The following RNF38 variants were observed in gnomAD, a reference collection of about 807,000 sequenced individuals.
RNF38 encodes the protein E3 ubiquitin-protein ligase RNF38.
Under a neutral mutation model 67.2 loss-of-function variants are expected in RNF38, and 15 were observed. That is an observed-to-expected ratio of 0.22 (90% CI 0.15 to 0.34). RNF38 has a LOEUF of 0.34. Ranked by LOEUF, RNF38 falls within the 10% of genes least tolerant of loss-of-function variation. RNF38 has a pLI of 1.00. For synonymous variants in RNF38, 220 were observed against 218.8 expected, an observed-to-expected ratio of 1.01 and a Z score of -0.05; for missense variants, 524 against 639.9, an observed-to-expected ratio of 0.82 and a Z score of 1.95.
intron 4 of RNF38, among the ~76,000 whole-genome samples, chr9:36,360,500 A>ATC (rs1587503701): frequency 6.6e-6 from 1 of 152,162 alleles, no homozygotes; most frequent in Non-Finnish European, 1.5e-5. Flanking sequence ...CCAATTTGGC[A>ATC]TCTCTAATCC....
rs1832686298 is a variant in RNF38 at position 36,339,458 on chromosome 9, T to C, written c.*294A>G. 1 of 372,264 alleles carries C rather than the reference T, an allele frequency of 2.7e-6. No homozygotes were observed. Among genetic ancestry groups the C allele is most frequent in the East Asian group, 4.4e-5 (1 of 22,752 alleles). The allele number at this position is 372,264 out of a possible 1,614,324, so 23.1% of individuals were successfully genotyped here. On this transcript the variant is annotated 3_prime_UTR_variant, in exon 12 of 12. Coordinates refer to ENST00000259605, the MANE Select transcript of RNF38 (RefSeq NM_022781.5). Reference sequence around the variant, plus strand: ...CTAAAAGATCACGTCCACTGTAATCTTGCAGCAACACTCGGAATGATCACA... The same window carrying C: ...CTAAAAGATCACGTCCACTGTAATCCTGCAGCAACACTCGGAATGATCACA...
At chr9:36,428,461 A>G (rs1838846694) in intron 1 of RNF38, among the ~76,000 whole-genome samples, 1 of 150,826 alleles carries the variant, frequency 6.6e-6, no homozygotes, top group African/African-American at 2.4e-5. Flanking sequence ...TTACATATAT[A>G]TATATATATA....
intron 10 of RNF38, 64 bp downstream of exon 10, chr9:36,344,766 CTT>C: frequency 3.9e-6 from 6 of 1,524,710 alleles, no homozygotes; most frequent in Non-Finnish European, 5.4e-6. Flanking sequence ...CTTAATGACT[CTT>C]AAGCTTTTAT....
chr9:36,412,105 G>A (rs1377350920), intron 2 of RNF38, among the ~76,000 whole-genome samples: 1 of 152,058 alleles, frequency 6.6e-6, no homozygotes, highest in Non-Finnish European at 1.5e-5. Flanking sequence ...CCCTCCAATG[G>A]CTTCTCGAAA....
intron 1 of RNF38, among the ~76,000 whole-genome samples, chr9:36,463,932 C>T (rs913715754): frequency 3.3e-4 from 50 of 152,140 alleles, no homozygotes; most frequent in Middle Eastern, 3.4e-3. Context: ...CTTTGGGAGG[C>T]CGAGGCGGGC....
At chr9:36,345,072 A>C (rs1310276451) in intron 9 of RNF38, 119 bp from the exon 10 acceptor site, 3 of 1,059,122 alleles carry the variant, frequency 2.8e-6, no homozygotes, top group Non-Finnish European at 4.0e-6. Context: ...GCGGCTGTTC[A>C]CAGGCATGAT....
chr9:36,448,073 C>G (rs41449047), intron 1 of RNF38, among the ~76,000 whole-genome samples: 4,528 of 152,218 alleles, frequency 0.03, 89 homozygotes, highest in South Asian at 0.07. Flanking sequence ...TTACACCAAG[C>G]ACAAAAGGGG....
At chr9:36,419,495 T>C (rs920829357) in intron 2 of RNF38, among the ~76,000 whole-genome samples, 1 of 152,228 alleles carries the variant, frequency 6.6e-6, no homozygotes, top group Non-Finnish European at 1.5e-5. Context: ...TGAAAAAATA[T>C]ATAATTGAGG....
chr9:36,365,030 T>C (rs1026337827), intron 4 of RNF38, among the ~76,000 whole-genome samples: 9 of 152,152 alleles, frequency 5.9e-5, no homozygotes, highest in African/African-American at 1.7e-4. Context: ...GATGAACAAA[T>C]AGGTGTGGTT....
chr9:36,477,056 G>C (rs1171707930), intron 1 of RNF38, among the ~76,000 whole-genome samples: 1 of 152,120 alleles, frequency 6.6e-6, no homozygotes, highest in Non-Finnish European at 1.5e-5. Flanking sequence ...AGGCGCGATG[G>C]ATCACGCCTG....
intron 2 of RNF38, among the ~76,000 whole-genome samples, chr9:36,407,461 C>T (rs1272608820): frequency 6.6e-6 from 1 of 152,100 alleles, no homozygotes; most frequent in East Asian, 1.9e-4. Flanking sequence ...GGAAGGAGTT[C>T]AAATGAAGAA....
chr9:36,392,170 T>G (rs888113695), intron 1 of RNF38, among the ~76,000 whole-genome samples: 47 of 152,334 alleles, frequency 3.1e-4, no homozygotes, highest in African/African-American at 1.1e-3. Flanking sequence ...TTAGCCTTTT[T>G]ATAGTATTTT....
upstream of RNF38, among the ~76,000 whole-genome samples, chr9:36,402,337 G>GT (rs11414815): frequency 0.042 from 6,308 of 151,802 alleles, 231 homozygotes; most frequent in Admixed American, 0.12. Context: ...ATCTAAACTT[G>GT]TTTTTTTTGT....
chr9:36,401,303 AGCCCGCCCCCC>A (rs1838021593), upstream of RNF38: 1 of 564,456 alleles, frequency 1.8e-6, no homozygotes, highest in Admixed American at 1.2e-4. Context: ...GCCCCGCCCC[AGCCCGCCCCCC>A]GCTGCCCTGC....
At chr9:36,393,891 C>A (rs959146571) in intron 1 of RNF38, among the ~76,000 whole-genome samples, 3 of 152,060 alleles carry the variant, frequency 2.0e-5, no homozygotes, top group Admixed American at 6.6e-5. Context: ...AAAGCAGTCA[C>A]CAGTTGACGA....
intron 2 of RNF38, among the ~76,000 whole-genome samples, chr9:36,389,194 A>G (rs1836877654): frequency 6.6e-6 from 1 of 152,202 alleles, no homozygotes; most frequent in South Asian, 2.1e-4. Context: ...AATACATTGC[A>G]TCTTTCTGCA....
chr9:36,439,563 G>A (rs149032807), intron 1 of RNF38, among the ~76,000 whole-genome samples: 47 of 152,188 alleles, frequency 3.1e-4, no homozygotes, highest in African/African-American at 1.0e-3. Flanking sequence ...CCAGCACTTC[G>A]GGAGGCTGAG....
chr9:36,390,383 G>C, intron 2 of RNF38, 84 bp downstream of exon 2: 3 of 1,135,712 alleles, frequency 2.6e-6, no homozygotes, highest in Non-Finnish European at 3.7e-6. Flanking sequence ...AGACGATATT[G>C]GGCATTTTGT....
chr9:36,360,479 C>T (rs560590015), intron 4 of RNF38, among the ~76,000 whole-genome samples: 181 of 152,150 alleles, frequency 1.2e-3, no homozygotes, highest in Non-Finnish European at 2.3e-3. Context: ...AGAAAATCTG[C>T]ATTATACTTA....
Sources: gnomAD v4.1 joint callset for allele counts (sites outside exome capture counted in the v4.1 genomes callset) on GRCh38, gnomAD v4.1.1 for gene constraint, MANE v1.5 for transcripts, NCBI Gene and HGNC (gene_info 2026-07-23, HGNC 2026-07-21) for gene names.